Variants in RGS6 observed in about 807,000 individuals in gnomAD.
RGS6 encodes regulator of G protein signaling 6.
Under a neutral mutation model 78.5 loss-of-function variants are expected in RGS6, and 30 were observed. The ratio of observed to expected loss-of-function variants is 0.38; its 90% CI spans 0.29 to 0.52. The LOEUF (loss-of-function observed/expected upper bound fraction) is 0.52. Among genes scored for constraint, RGS6 ranks in the 20% least tolerant of loss-of-function variants. The probability of loss-of-function intolerance (pLI) is 0.85; values close to 1 mark genes in which losing one functional copy is unlikely to be tolerated. For missense variants in RGS6, 495 were observed against 609.7 expected, an observed-to-expected ratio of 0.81 and a Z score of 1.98; for synonymous variants, 206 against 206.0, an observed-to-expected ratio of 1.00 and a Z score of 0.00.
intron 2 of RGS6, among the ~76,000 whole-genome samples, chr14:72,014,600 T>G (rs185476174): frequency 5.9e-4 from 90 of 152,316 alleles, no homozygotes; most frequent in Admixed American, 5.9e-3. Flanking sequence ...TCATGAGACT[T>G]GAGCATTTGT....
intron 2 of RGS6, among the ~76,000 whole-genome samples, chr14:72,306,577 T>C (rs533556010): frequency 1.3e-5 from 2 of 152,294 alleles, no homozygotes; most frequent in African/African-American, 4.8e-5. Flanking sequence ...ACATTAACTG[T>C]AGTTTAGAAG....
At chr14:72,214,446 A>G (rs1012040777) in intron 2 of RGS6, among the ~76,000 whole-genome samples, 1 of 152,160 alleles carries the variant, frequency 6.6e-6, no homozygotes. Context: ...ATAAATTACA[A>G]TCTGTTATGT....
chr14:72,013,087 A>G (rs890486996), intron 2 of RGS6, among the ~76,000 whole-genome samples: 5 of 151,992 alleles, frequency 3.3e-5, no homozygotes, highest in Non-Finnish European at 7.4e-5. Flanking sequence ...CCTGACCAAC[A>G]TGGTGAAACC....
rs575546378 is a variant in RGS6 at position 72,349,825 on chromosome 14, T to C, written c.85-2270T>C. The stretch of plus-strand genomic sequence containing the variant: ...AGAGGTGTAAACAGTTACTATCTAA[T>C]GTCCACTCCGGGGTCTACCTGAATT... On this transcript the variant is annotated intron_variant, in intron 2 of 17. Transcript: ENST00000553525. 6.6e-5 allele frequency among the ~76,000 whole-genome samples: 10 copies of C among 152,360 alleles called. No individual in the cohort carries two copies. The South Asian group carries it at 2.1e-3, about 32-fold the overall frequency.
At chr14:72,195,460 A>G (rs112171304) in intron 2 of RGS6, among the ~76,000 whole-genome samples, 1 of 152,186 alleles carries the variant, frequency 6.6e-6, no homozygotes, top group South Asian at 2.1e-4. Flanking sequence ...GTCTACAAGG[A>G]TGAGAGTGGA....
At chr14:72,263,793 C>T (rs576008656) in intron 2 of RGS6, among the ~76,000 whole-genome samples, 42 of 152,286 alleles carry the variant, frequency 2.8e-4, no homozygotes, top group African/African-American at 5.3e-4. Context: ...CTGTGAGAAA[C>T]GAATGTCTGT....
chr14:72,581,159 C>T, the RGS6 span, among the ~76,000 whole-genome samples: 1 of 152,262 alleles, frequency 6.6e-6, no homozygotes, highest in African/African-American at 2.4e-5. Context: ...GATGAAGCCC[C>T]CTGCCCAGCT....
In RGS6 at chr14:72,059,079, T is replaced by C. The variant is rs112266623; in HGVS notation, c.84+94204T>C. ...CATGCCTGGCTAATTTTTGTATTTT[T>C]AGTAGAGACGGGGTTTTGCCATGTT... is the stretch of plus-strand genomic sequence containing the variant. On this transcript the variant is annotated intron_variant, in intron 2 of 17. Transcript: ENST00000553525. Among the ~76,000 whole-genome samples the C allele has an allele frequency of 2.8e-3, 429 of 152,248 alleles. 1 individual carries two copies. The highest frequency in any genetic ancestry group is 6.8e-3 in the Middle Eastern group (2 of 294).
At chr14:72,129,887 G>A (rs1369517715) in intron 2 of RGS6, among the ~76,000 whole-genome samples, 6 of 152,098 alleles carry the variant, frequency 3.9e-5, no homozygotes, top group South Asian at 2.1e-4. Flanking sequence ...TTTTCCCATC[G>A]ATAACTGGTA....
chr14:72,315,155 G>GC (rs66484746), intron 2 of RGS6, among the ~76,000 whole-genome samples: 152,331 of 152,334 alleles, frequency 1, 76,164 homozygotes, highest in Middle Eastern at 1. Context: ...GTAAATATCA[G>GC]CTGAGAGATT....
intron 2 of RGS6, among the ~76,000 whole-genome samples, chr14:72,220,470 C>T (rs2046604676): frequency 6.6e-6 from 1 of 152,114 alleles, no homozygotes; most frequent in African/African-American, 2.4e-5. Flanking sequence ...AAATGGGAAC[C>T]TGGGGTTAGC....
intron 3 of RGS6, among the ~76,000 whole-genome samples, chr14:72,453,594 C>G (rs1232876563): frequency 2.6e-5 from 3 of 113,414 alleles, no homozygotes; most frequent in African/African-American, 1.1e-4. Context: ...CCAGCCTGGG[C>G]GACAGAGCGA....
At chr14:72,076,306 A>G (rs79084275) in intron 2 of RGS6, among the ~76,000 whole-genome samples, 3,681 of 152,116 alleles carry the variant, frequency 0.024, 74 homozygotes, top group Non-Finnish European at 0.031. Flanking sequence ...TTATTTTTCC[A>G]TTTCTGAATC....
chr14:72,051,718 T>C (rs866772816), intron 2 of RGS6, among the ~76,000 whole-genome samples: 2 of 152,170 alleles, frequency 1.3e-5, no homozygotes, highest in Non-Finnish European at 2.9e-5. Context: ...TCCAGTAAAA[T>C]TGAAAACTTT....
At chr14:72,377,900 C>G (rs1356633657) in intron 3 of RGS6, among the ~76,000 whole-genome samples, 1 of 152,226 alleles carries the variant, frequency 6.6e-6, no homozygotes, top group East Asian at 1.9e-4. Flanking sequence ...CTCTCTTGAG[C>G]CCAAGAGGGT....
intron 2 of RGS6, among the ~76,000 whole-genome samples, chr14:72,186,732 A>T (rs2097253496): frequency 6.6e-6 from 1 of 152,186 alleles, no homozygotes; most frequent in African/African-American, 2.4e-5. Flanking sequence ...TCTTGCAAAA[A>T]TAGCAGGCTT....
chr14:71,886,414 CTGAA>C, the RGS6 span, among the ~76,000 whole-genome samples: 634 of 152,312 alleles, frequency 4.2e-3, 9 homozygotes, highest in African/African-American at 0.015. Context: ...TATTGACTGA[CTGAA>C]TGAATGAATA....
At chr14:72,060,533 T>C (rs2153433964) in intron 2 of RGS6, among the ~76,000 whole-genome samples, 1 of 152,334 alleles carries the variant, frequency 6.6e-6, no homozygotes, top group African/African-American at 2.4e-5. Flanking sequence ...TCTTTTTAGC[T>C]ATTTATTAAT....
chr14:72,217,261 A>T (rs929176960), intron 2 of RGS6, among the ~76,000 whole-genome samples: 2 of 152,244 alleles, frequency 1.3e-5, no homozygotes, highest in Non-Finnish European at 2.9e-5. Flanking sequence ...ACTTTAATCA[A>T]GGTGATATGG....
Sources: allele counts gnomAD v4.1 joint callset (sites outside exome capture counted in the v4.1 genomes callset), GRCh38; gene constraint gnomAD v4.1.1; transcripts MANE v1.5; gene names NCBI Gene and HGNC (gene_info 2026-07-23, HGNC 2026-07-21).